ZMYM4: variants seen among roughly 807,000 people sequenced by gnomAD.
ZMYM4 encodes zinc finger MYM-type containing 4, also known as zinc finger MYM-type protein 4.
Under a neutral mutation model 183.2 loss-of-function variants are expected in ZMYM4, and 31 were observed. The ratio of observed to expected loss-of-function variants is 0.17; its 90% CI spans 0.13 to 0.23. The LOEUF (loss-of-function observed/expected upper bound fraction) is 0.23. ZMYM4 is among the 10% of genes least tolerant of loss of function. The pLI is 1.00. For synonymous variants in ZMYM4, 592 were observed against 631.2 expected (o/e 0.94, Z 0.93); for missense variants, 1,273 against 1,840.3 (o/e 0.69, Z 5.64).
At chr1:35,285,675 G>A (rs1640446835) in intron 1 of ZMYM4, among the ~76,000 whole-genome samples, 1 of 152,162 alleles carries the variant, frequency 6.6e-6, no homozygotes, top group Admixed American at 6.5e-5. Flanking sequence ...GATTTAAATT[G>A]TATAGGAGGA....
At chr1:35,333,944 A>G (rs913367521) in intron 2 of ZMYM4, among the ~76,000 whole-genome samples, 5 of 152,070 alleles carry the variant, frequency 3.3e-5, no homozygotes, top group Non-Finnish European at 4.4e-5. Flanking sequence ...CACAATGAAC[A>G]ATGATACATT....
intron 8 of ZMYM4, 55 bp downstream of exon 8, chr1:35,381,488 G>C: frequency 6.2e-7 from 1 of 1,609,410 alleles, no homozygotes; most frequent in Non-Finnish European, 8.5e-7. Flanking sequence ...TGTGCTTAAA[G>C]AACAGCTTTT....
chr1:35,332,206 A>G (rs1642783121), intron 2 of ZMYM4, among the ~76,000 whole-genome samples: 1 of 152,118 alleles, frequency 6.6e-6, no homozygotes, highest in South Asian at 2.1e-4. Flanking sequence ...GACATTGTTA[A>G]TCACTAGTGT....
Position 35,361,626 on chromosome 1 carries a change from G to C in ZMYM4, c.677G>C (p.Ser226Thr). 1 of 1,611,708 alleles carries C rather than the reference G, an allele frequency of 6.2e-7. No homozygotes were observed. ...QTPETNFRDS[S>T]YPFANKESIG... ...CTTTATATTGTGTTTTAGGATTCCA[G>C]CTACCCATTTGCCAATAAAGAATCC... Residue 226 changes from serine (S) to threonine (T), a missense_variant, in exon 5 of 30, where the codon AGC becomes ACC. Ser to Thr is a moderately conservative substitution (Grantham distance 58). This residue lies in a region of ZMYM4 where 384 missense variants were observed against 465.6 expected (regional missense o/e 0.82). Transcript: ENST00000314607.
intron 1 of ZMYM4, among the ~76,000 whole-genome samples, chr1:35,281,352 C>G (rs1484987246): frequency 1.3e-5 from 2 of 151,292 alleles, no homozygotes; most frequent in African/African-American, 2.4e-5. Context: ...GTGCAGTAAG[C>G]CAGGCACAGG....
chr1:35,286,772 A>ATTTTTTTTTT (rs71062872), intron 1 of ZMYM4, among the ~76,000 whole-genome samples: 3 of 46,522 alleles, frequency 6.4e-5, no homozygotes, highest in Non-Finnish European at 1.3e-4. Context: ...TATTTAAATA[A>ATTTTTTTTTT]TTTTTTTTTT....
chr1:35,352,639 G>T (rs1643670868), intron 2 of ZMYM4, among the ~76,000 whole-genome samples: 1 of 152,096 alleles, frequency 6.6e-6, no homozygotes, highest in African/African-American at 2.4e-5. Flanking sequence ...CATTTTATCA[G>T]TCATCTCAGC....
chr1:35,385,723 C>T (rs1343302141), intron 10 of ZMYM4, 131 bp downstream of exon 10: 2 of 1,074,356 alleles, frequency 1.9e-6, no homozygotes, highest in East Asian at 2.9e-5. Context: ...TGTAAAATAT[C>T]ACCTGTTACC....
intron 1 of ZMYM4, among the ~76,000 whole-genome samples, chr1:35,271,999 T>C (rs1639632734): frequency 6.6e-6 from 1 of 152,230 alleles, no homozygotes; most frequent in South Asian, 2.1e-4. Flanking sequence ...TAATATTTTT[T>C]GATCCATAAT....
rs557075788 is a variant in ZMYM4, at chr1:35,282,591, T to G, written c.39+13506T>G. Among the ~76,000 whole-genome samples the G allele has an allele frequency of 7.2e-5, 11 of 152,302 alleles. No homozygotes were observed. The East Asian group carries it at 2.1e-3, about 29-fold the overall frequency. ...CATTTTTTGAGACAGGGTCTCACTT[T>G]GTTGTCCAGGCTGGAGTACAGTGGT... is the stretch of plus-strand genomic sequence containing the variant. On this transcript the variant is annotated intron_variant, in intron 1 of 29. Coordinates refer to ENST00000314607, the MANE Select transcript of ZMYM4 (RefSeq NM_005095.3).
intron 1 of ZMYM4, among the ~76,000 whole-genome samples, chr1:35,278,187 T>A (rs1639966910): frequency 6.6e-6 from 1 of 152,094 alleles, no homozygotes; most frequent in Non-Finnish European, 1.5e-5. Context: ...TTTCTGTCTC[T>A]TAGGGTCTAC....
chr1:35,348,054 A>G (rs560210096), intron 2 of ZMYM4, among the ~76,000 whole-genome samples: 271 of 152,328 alleles, frequency 1.8e-3, no homozygotes, highest in Non-Finnish European at 2.1e-3. Context: ...AACACTAGAA[A>G]TAACAGGGAT....
intron 1 of ZMYM4, among the ~76,000 whole-genome samples, chr1:35,309,986 A>G (rs1221213811): frequency 2.7e-5 from 4 of 150,456 alleles, no homozygotes; most frequent in South Asian, 2.1e-4. Flanking sequence ...CTAGAGTGCA[A>G]TGGCGCGATC....
chr1:35,318,972 C>T (rs950640016), intron 1 of ZMYM4, among the ~76,000 whole-genome samples: 13 of 152,102 alleles, frequency 8.5e-5, no homozygotes, highest in African/African-American at 2.2e-4. Context: ...CCACAACCTC[C>T]GCCTCCCGGG....
At chr1:35,285,912 C>T (rs980459621) in intron 1 of ZMYM4, among the ~76,000 whole-genome samples, 1 of 152,106 alleles carries the variant, frequency 6.6e-6, no homozygotes, top group Non-Finnish European at 1.5e-5. Context: ...ATAAAGGCTA[C>T]CCATGAAAAA....
At chr1:35,380,475 A>G (rs542660442) in intron 7 of ZMYM4, among the ~76,000 whole-genome samples, 135 of 152,168 alleles carry the variant, frequency 8.9e-4, no homozygotes, top group African/African-American at 3.1e-3. Flanking sequence ...CTACAGGCAC[A>G]TGCCGCCACG....
chr1:35,399,217 A>G (rs1260792859), intron 22 of ZMYM4, among the ~76,000 whole-genome samples, 174 bp downstream of exon 22: 1 of 152,222 alleles, frequency 6.6e-6, no homozygotes, highest in African/African-American at 2.4e-5. Context: ...AATTCGTACC[A>G]TATTGTTCTT....
chr1:35,303,788 C>G (rs1641400164), intron 1 of ZMYM4, among the ~76,000 whole-genome samples: 1 of 152,010 alleles, frequency 6.6e-6, no homozygotes, highest in African/African-American at 2.4e-5. Context: ...TTGCTTTTAT[C>G]TTTATTATTT....
At chr1:35,311,591 G>T (rs1481637632) in intron 1 of ZMYM4, among the ~76,000 whole-genome samples, 1 of 151,894 alleles carries the variant, frequency 6.6e-6, no homozygotes, top group African/African-American at 2.4e-5. Context: ...GGTGACAGAG[G>T]GAGACTGTGT....
Sources: allele counts gnomAD v4.1 joint callset (sites outside exome capture counted in the v4.1 genomes callset), GRCh38; gene constraint gnomAD v4.1.1; regional missense constraint gnomAD v4.1.1; transcripts MANE v1.5; gene names NCBI Gene and HGNC (gene_info 2026-07-23, HGNC 2026-07-21).